VPS35L: variants seen among roughly 807,000 people sequenced by gnomAD.
VPS35L encodes VPS35 endosomal protein sorting factor like.
Under a neutral mutation model 133.0 loss-of-function variants are expected in VPS35L, and 83 were observed. That is an observed-to-expected ratio of 0.62 (90% CI 0.52 to 0.75). VPS35L has a LOEUF of 0.75. Among genes scored for constraint, VPS35L ranks in the 30% least tolerant of loss-of-function variants. The probability of loss-of-function intolerance (pLI) is 0.00; values close to 1 mark genes in which losing one functional copy is unlikely to be tolerated. For missense variants in VPS35L, 1,083 were observed against 1,206.8 expected, an observed-to-expected ratio of 0.90 and a Z score of 1.52; for synonymous variants, 423 against 449.9, an observed-to-expected ratio of 0.94 and a Z score of 0.76.
chr16:19,635,381 ATGAAATAAAAC>A (rs1973592120), intron 19 of VPS35L, among the ~76,000 whole-genome samples: 1 of 152,124 alleles, frequency 6.6e-6, no homozygotes, highest in Admixed American at 6.6e-5. Context: ...AATAAATAAA[ATGAAATAAAAC>A]CCAAAAACCC....
At chr16:19,664,129 C>T (rs1047499364) in intron 26 of VPS35L, among the ~76,000 whole-genome samples, 40 of 152,158 alleles carry the variant, frequency 2.6e-4, no homozygotes, top group Middle Eastern at 3.4e-3. Flanking sequence ...GGCATTTACT[C>T]GTCATATATA....
chr16:19,640,061 G>A lies in VPS35L; in HGVS notation c.1745G>A (p.Arg582Gln), dbSNP rs144364706. ...FLDMFQKESV[R>Q]VEVCKCIMDA... ...GACATGTTCCAAAAAGAGAGTGTGC[G>A]GGTGGAGGTTTGCAAATGCATCATG... is the stretch of plus-strand genomic sequence containing the variant. The change falls in exon 21 of 31, where the codon CGG (arginine) becomes CAG (glutamine). Residue 582 changes from arginine to glutamine, a missense_variant. Transcript: ENST00000417362. The A allele has an allele frequency of 6.5e-5, 105 of 1,614,200 alleles. No homozygotes were observed. Among genetic ancestry groups the A allele is most frequent in the East Asian group, 1.3e-4 (6 of 44,884 alleles).
intron 2 of VPS35L, among the ~76,000 whole-genome samples, chr16:19,567,623 C>T (rs139226484): frequency 2.6e-5 from 4 of 152,156 alleles, no homozygotes; most frequent in African/African-American, 9.6e-5. Context: ...ATTCAGGCAG[C>T]CATCGCCGGC....
chr16:19,646,687 C>T (rs571750889), intron 23 of VPS35L, among the ~76,000 whole-genome samples: 1 of 151,306 alleles, frequency 6.6e-6, no homozygotes, highest in East Asian at 1.9e-4. Flanking sequence ...AAAGAAATCA[C>T]ACAGTAAACC....
intron 1 of VPS35L, among the ~76,000 whole-genome samples, chr16:19,564,422 G>A (rs1971121346): frequency 1.3e-5 from 2 of 150,154 alleles, no homozygotes; most frequent in South Asian, 4.2e-4. Flanking sequence ...TGTTTGCCAT[G>A]GAGTCTCGCT....
At chr16:19,674,593 A>G (rs1974997303) in intron 27 of VPS35L, among the ~76,000 whole-genome samples, 1 of 152,116 alleles carries the variant, frequency 6.6e-6, no homozygotes, top group Admixed American at 6.6e-5. Context: ...TTAAGGTGAG[A>G]TCTACCCTCT....
At chr16:19,687,598 C>T (rs1270588358) in intron 28 of VPS35L, among the ~76,000 whole-genome samples, 3 of 152,078 alleles carry the variant, frequency 2.0e-5, no homozygotes, top group Admixed American at 6.6e-5. Context: ...TCCCCATAAA[C>T]GAGCAGTTTA....
chr16:19,638,842 C>T (rs1439466311), intron 20 of VPS35L, among the ~76,000 whole-genome samples: 1 of 152,204 alleles, frequency 6.6e-6, no homozygotes, highest in Admixed American at 6.5e-5. Context: ...TAGTGGCTCA[C>T]ACCTGTAAAC....
chr16:19,672,627 G>T (rs932103711), intron 27 of VPS35L, among the ~76,000 whole-genome samples: 1 of 152,102 alleles, frequency 6.6e-6, no homozygotes, highest in African/African-American at 2.4e-5. Context: ...CTTCAGGATG[G>T]GGGCCTCTTG....
chr16:19,639,924 T>C lies in VPS35L; in HGVS notation c.1699-91T>C. The C allele has an allele frequency of 9.0e-7, 1 of 1,108,514 alleles. No individual in the cohort carries two copies. Among genetic ancestry groups the C allele is most frequent in the Non-Finnish European group, 1.3e-6 (1 of 750,730 alleles). The allele number at this position is 1,108,514 out of a possible 1,614,324, so 68.7% of individuals were successfully genotyped here. On this transcript the variant is annotated intron_variant, in intron 20 of 30. Coordinates refer to ENST00000417362, the MANE Select transcript of VPS35L (RefSeq NM_020314.7). The surrounding 1 kb of genome is among the most constrained non-coding windows in gnomAD (Gnocchi z 4.1). ...TCAGAGAGATGAACCTCTGTTCTGC[T>C]TCTTTGAACTCCACAGAAAAAGAGA... is the stretch of plus-strand genomic sequence containing the variant.
chr16:19,675,141 A>G (rs946256803), intron 27 of VPS35L, among the ~76,000 whole-genome samples: 2 of 151,944 alleles, frequency 1.3e-5, no homozygotes, highest in African/African-American at 4.8e-5. Flanking sequence ...TGTGGCGACA[A>G]GGTCTCACTA....
intron 30 of VPS35L, 61 bp from the exon 31 acceptor site, chr16:19,700,313 ATTAG>A (rs1976078669): frequency 1.4e-6 from 2 of 1,422,806 alleles, no homozygotes; most frequent in African/African-American, 2.8e-5. Context: ...TGGCTGATTC[ATTAG>A]AGCCTTGGGC....
At position 19,620,531 on chromosome 16, in the gene VPS35L, C is replaced by A. The variant is rs73535646; in HGVS notation, c.1224+3723C>A. 2.1e-3 allele frequency among the ~76,000 whole-genome samples: 321 copies of A among 152,118 alleles called. 1 individual carries two copies. Among genetic ancestry groups the A allele is most frequent in the African/African-American group, 7.5e-3 (311 of 41,506 alleles). On this transcript the variant is annotated intron_variant, in intron 14 of 30. Coordinates refer to ENST00000417362, the MANE Select transcript of VPS35L (RefSeq NM_020314.7). ...CTATAATTAATTCAGAATGAAAAGT[C>A]TTTTAAAAATCCTTCAATTGGGATG...
Position 19,575,135 on chromosome 16 carries a change from T to C in VPS35L, c.433+13T>C. On this transcript the variant is annotated intron_variant, in intron 5 of 30. Coordinates refer to ENST00000417362, the MANE Select transcript of VPS35L (RefSeq NM_020314.7). ...GGATCTGAAAAAGGTAAGATGAGTT[T>C]GTTGTTGTTTTGATGGGAAAATTCT... 1 of 1,605,964 alleles carries C rather than the reference T, an allele frequency of 6.2e-7. No homozygotes were observed. The highest frequency in any genetic ancestry group is 8.5e-7 in the Non-Finnish European group (1 of 1,174,852).
At chr16:19,599,657 C>T (rs535805001) in intron 8 of VPS35L, among the ~76,000 whole-genome samples, 21 of 152,146 alleles carry the variant, frequency 1.4e-4, no homozygotes, top group South Asian at 4.2e-4. Flanking sequence ...TGCACCACCA[C>T]GCCTGGCTAT....
intron 8 of VPS35L, among the ~76,000 whole-genome samples, chr16:19,599,590 G>A (rs904911075): frequency 6.6e-6 from 1 of 151,282 alleles, no homozygotes; most frequent in Non-Finnish European, 1.5e-5. Flanking sequence ...AGGCTGGAGT[G>A]CAGCGGCACA....
At chr16:19,573,582 G>A (rs564294228) in intron 4 of VPS35L, among the ~76,000 whole-genome samples, 13 of 152,296 alleles carry the variant, frequency 8.5e-5, no homozygotes, top group Admixed American at 3.3e-4. Flanking sequence ...ACTTTGGGAG[G>A]CCAAGGTGGG....
intron 2 of VPS35L, chr16:19,569,204 A>T (rs1348555605): frequency 2.8e-6 from 2 of 703,060 alleles, no homozygotes; most frequent in Non-Finnish European, 5.1e-6. Context: ...TTTTTTTAAC[A>T]CTTCCTAACC....
chr16:19,555,805 C>T, intron 1 of VPS35L, 59 bp downstream of exon 1: 4 of 1,523,514 alleles, frequency 2.6e-6, no homozygotes, highest in South Asian at 1.3e-5. Context: ...GTGATGGGGT[C>T]GGCCTGGGTC....
Sources: allele counts gnomAD v4.1 joint callset (sites outside exome capture counted in the v4.1 genomes callset), GRCh38; gene constraint gnomAD v4.1.1; non-coding constraint Gnocchi (gnomAD v3.1); transcripts MANE v1.5; gene names NCBI Gene and HGNC (gene_info 2026-07-23, HGNC 2026-07-21).